The following L3MBTL4 variants were observed in gnomAD, a reference collection of about 807,000 sequenced individuals.
L3MBTL4 encodes the protein L3MBTL histone methyl-lysine binding protein 4.
L3MBTL4 carries 70 observed loss-of-function variants against 84.5 expected under a neutral mutation model. That is an observed-to-expected ratio of 0.83 (90% confidence interval 0.68 to 1.01). The LOEUF is 1.01. Ranked by LOEUF, L3MBTL4 falls within the 50% of genes least tolerant of loss-of-function variation. The probability of loss-of-function intolerance (pLI) is 0.00; values close to 1 mark genes in which losing one functional copy is unlikely to be tolerated. For missense variants in L3MBTL4, 715 were observed against 754.8 expected, an observed-to-expected ratio of 0.95 and a Z score of 0.62; for synonymous variants, 274 against 259.8, an observed-to-expected ratio of 1.05 and a Z score of -0.52.
At chr18:6,072,809 T>C (rs1448186668) in intron 16 of L3MBTL4, among the ~76,000 whole-genome samples, 1 of 136,364 alleles carries the variant, frequency 7.3e-6, no homozygotes, top group Admixed American at 7.7e-5. Flanking sequence ...TGAGCCCAGA[T>C]CGTGCCACTG....
intron 12 of L3MBTL4, among the ~76,000 whole-genome samples, chr18:6,189,859 T>C (rs1440999762): frequency 6.6e-6 from 1 of 152,012 alleles, no homozygotes; most frequent in Non-Finnish European, 1.5e-5. Context: ...TAGGTAAAAG[T>C]AGAAGAGTTC....
intron 15 of L3MBTL4, among the ~76,000 whole-genome samples, chr18:6,092,113 C>T (rs146923785): frequency 1.1e-4 from 16 of 152,276 alleles, no homozygotes; most frequent in African/African-American, 3.9e-4. Flanking sequence ...AATAGAGAAG[C>T]ATGTGTATCC....
At chr18:6,257,057 T>C (rs1245756924) in intron 5 of L3MBTL4, among the ~76,000 whole-genome samples, 1 of 152,182 alleles carries the variant, frequency 6.6e-6, no homozygotes, top group Non-Finnish European at 1.5e-5. Flanking sequence ...GTCATCTATA[T>C]GCCAGGCACT....
intron 16 of L3MBTL4, among the ~76,000 whole-genome samples, chr18:5,993,585 T>C (rs570399722): frequency 6.6e-6 from 1 of 152,214 alleles, no homozygotes; most frequent in South Asian, 2.1e-4. Context: ...ATAAACAGAG[T>C]CGTTAATTTA....
At chr18:6,109,720 G>A (rs1290829443) in intron 14 of L3MBTL4, among the ~76,000 whole-genome samples, 1 of 152,174 alleles carries the variant, frequency 6.6e-6, no homozygotes, top group African/African-American at 2.4e-5. Flanking sequence ...CCCAGAAGAT[G>A]CCAGGAGGCC....
chr18:6,161,903 G>GA (rs1568227831), intron 13 of L3MBTL4, among the ~76,000 whole-genome samples: 2 of 150,800 alleles, frequency 1.3e-5, no homozygotes, highest in South Asian at 2.1e-4. Flanking sequence ...GAAGCTCACT[G>GA]AAAAAATACA....
At chr18:6,003,710 C>T (rs1235512873) in intron 16 of L3MBTL4, among the ~76,000 whole-genome samples, 2 of 151,960 alleles carry the variant, frequency 1.3e-5, no homozygotes, top group South Asian at 2.1e-4. Context: ...CTCCTCTGAC[C>T]ACAATTAGGT....
At chr18:6,279,713 A>G (rs551407462) in intron 4 of L3MBTL4, among the ~76,000 whole-genome samples, 1 of 152,288 alleles carries the variant, frequency 6.6e-6, no homozygotes, top group African/African-American at 2.4e-5. Flanking sequence ...TATAATTAGG[A>G]GGTTAATATT....
At chr18:6,080,481 T>C (rs916786964) in intron 16 of L3MBTL4, among the ~76,000 whole-genome samples, 11 of 152,230 alleles carry the variant, frequency 7.2e-5, no homozygotes, top group Middle Eastern at 3.2e-3. Flanking sequence ...AATACTCTTC[T>C]AGCCTTTCTT....
At chr18:6,016,769 C>A (rs1002645876) in intron 16 of L3MBTL4, among the ~76,000 whole-genome samples, 1 of 152,146 alleles carries the variant, frequency 6.6e-6, no homozygotes, top group East Asian at 1.9e-4. Context: ...CCCCTGACTT[C>A]GTTTTAGGAG....
chr18:6,222,523 T>C (rs1236178758), intron 10 of L3MBTL4, among the ~76,000 whole-genome samples: 2 of 152,182 alleles, frequency 1.3e-5, no homozygotes, highest in Non-Finnish European at 2.9e-5. Flanking sequence ...TCTAACCCAA[T>C]GTTTTGGCAG....
At chr18:6,023,766 C>T (rs538486108) in intron 16 of L3MBTL4, among the ~76,000 whole-genome samples, 3 of 152,286 alleles carry the variant, frequency 2.0e-5, no homozygotes, top group East Asian at 1.9e-4. Context: ...TCTTCAGCCA[C>T]GCGGGGAAGA....
At chr18:5,973,151 T>C (rs1163148278) in intron 16 of L3MBTL4, among the ~76,000 whole-genome samples, 2 of 152,234 alleles carry the variant, frequency 1.3e-5, no homozygotes, top group Non-Finnish European at 2.9e-5. Flanking sequence ...GTGTGGCTAA[T>C]GTGTCTGAAA....
chr18:6,387,555 C>T (rs1161375207), intron 1 of L3MBTL4, among the ~76,000 whole-genome samples: 12 of 152,146 alleles, frequency 7.9e-5, no homozygotes. Flanking sequence ...TTGAGATGTT[C>T]TGATTTAAAT....
At chr18:5,974,129 G>T (rs1239963542) in intron 16 of L3MBTL4, among the ~76,000 whole-genome samples, 1 of 152,186 alleles carries the variant, frequency 6.6e-6, no homozygotes, top group Admixed American at 6.5e-5. Context: ...TTGGTTGAAA[G>T]AATTGTTTTG....
At chr18:6,307,004 T>C (rs980397133) in intron 3 of L3MBTL4, among the ~76,000 whole-genome samples, 1 of 152,138 alleles carries the variant, frequency 6.6e-6, no homozygotes, top group Non-Finnish European at 1.5e-5. Context: ...CAGCCATATA[T>C]CACACACGTC....
At chr18:6,065,728 A>T (rs955574654) in intron 16 of L3MBTL4, among the ~76,000 whole-genome samples, 2 of 151,874 alleles carry the variant, frequency 1.3e-5, no homozygotes, top group African/African-American at 4.8e-5. Context: ...ATAATTGAGC[A>T]TATATGGATA....
In L3MBTL4 at chr18:6,010,087, C is replaced by T. The variant is rs146377622; in HGVS notation, c.1445-40525G>A. ...TATCCTTGTCGTGTTTTCCATGATG[C>T]TTTTAAATTCTAGTTTTGACTGGAT... On this transcript the variant is annotated intron_variant, in intron 16 of 18. Coordinates refer to ENST00000317931, the MANE Select transcript of L3MBTL4 (RefSeq NM_001330559.2). Among the ~76,000 whole-genome samples, 92 of 151,756 alleles carry T rather than the reference C, an allele frequency of 6.1e-4. 4 individuals are homozygous for T. In the East Asian group the frequency reaches 0.015, roughly 25 times the overall value.
intron 12 of L3MBTL4, among the ~76,000 whole-genome samples, chr18:6,192,856 A>T (rs777793489): frequency 1.3e-5 from 2 of 152,100 alleles, no homozygotes; most frequent in Non-Finnish European, 1.5e-5. Context: ...GAGTGGAAGG[A>T]CAGAAGAGCT....
Sources: gnomAD v4.1 joint callset for allele counts (sites outside exome capture counted in the v4.1 genomes callset) on GRCh38, gnomAD v4.1.1 for gene constraint, MANE v1.5 for transcripts, NCBI Gene and HGNC (gene_info 2026-07-23, HGNC 2026-07-21) for gene names.